Variants in SREBF2 observed in about 807,000 individuals in gnomAD.
SREBF2 encodes the protein sterol regulatory element binding transcription factor 2, also known as sterol regulatory element-binding protein 2.
In SREBF2, 55 loss-of-function variants were observed where a neutral mutation model predicts 113.1. That is an observed-to-expected ratio of 0.49 (90% CI 0.39 to 0.61). SREBF2 has a LOEUF of 0.61. Among genes scored for constraint, SREBF2 ranks in the 20% least tolerant of loss-of-function variants. The pLI, the probability that SREBF2 is intolerant of heterozygous loss-of-function variation, is 0.00. For synonymous variants in SREBF2, 593 were observed against 605.7 expected, an observed-to-expected ratio of 0.98 and a Z score of 0.31; for missense variants, 1,349 against 1,487.4, an observed-to-expected ratio of 0.91 and a Z score of 1.53.
rs561459850 is a variant in SREBF2 at position 41,885,143 on chromosome 22, A to G, written c.2208+132A>G. On this transcript the variant is annotated intron_variant, in intron 11 of 18. Transcript: ENST00000361204. ...CACCTGGAGGGGTAGGCAGGCATTCATTCAGTCGCTCATTTCACCAGGACT... is the reference window on the plus strand; with the variant it reads ...CACCTGGAGGGGTAGGCAGGCATTCGTTCAGTCGCTCATTTCACCAGGACT... The G allele has an allele frequency of 3.6e-6, 4 of 1,120,850 alleles. No individual in the cohort carries two copies. The African/African-American group carries it at 4.6e-5, about 13-fold the overall frequency. The allele number at this position is 1,120,850 out of a possible 1,614,324, so 69.4% of individuals were successfully genotyped here.
intron 4 of SREBF2, 75 bp from the exon 5 acceptor site, chr22:41,873,723 G>T: frequency 6.8e-7 from 1 of 1,478,178 alleles, no homozygotes; most frequent in Non-Finnish European, 9.2e-7. Flanking sequence ...GGCCAAAGCG[G>T]GCAGGTCTGT....
At chr22:41,882,771 A>G (rs2077260536) in intron 10 of SREBF2, among the ~76,000 whole-genome samples, 1 of 152,230 alleles carries the variant, frequency 6.6e-6, no homozygotes, top group Non-Finnish European at 1.5e-5. Flanking sequence ...GCACCACTGC[A>G]TTCCAGCCTG....
At chr22:41,878,545 TG>T in intron 9 of SREBF2, 1 of 612,388 alleles carries the variant, frequency 1.6e-6, no homozygotes. Context: ...AGGCCCAAAT[TG>T]GAGAGGGCTT....
intron 7 of SREBF2, 152 bp from the exon 8 acceptor site, chr22:41,877,077 A>T: frequency 1.3e-6 from 1 of 747,758 alleles, no homozygotes; most frequent in Non-Finnish European, 2.3e-6. Context: ...TTAGTGAATT[A>T]TAGGCTTCTC....
intron 2 of SREBF2, among the ~76,000 whole-genome samples, chr22:41,867,573 A>G (rs1176491264): frequency 6.6e-6 from 1 of 152,150 alleles, no homozygotes; most frequent in Non-Finnish European, 1.5e-5. Context: ...TTGGGAGGCC[A>G]AGGCGGGCGG....
At chr22:41,859,240 T>G (rs2077003859) in intron 1 of SREBF2, among the ~76,000 whole-genome samples, 1 of 151,984 alleles carries the variant, frequency 6.6e-6, no homozygotes, top group Non-Finnish European at 1.5e-5. Context: ...GAAAAACACC[T>G]GAGGTTTGCT....
intron 1 of SREBF2, among the ~76,000 whole-genome samples, chr22:41,858,857 G>C (rs936909291): frequency 6.6e-6 from 1 of 152,026 alleles, no homozygotes; most frequent in Non-Finnish European, 1.5e-5. Flanking sequence ...AAAAAGATAG[G>C]GACCTGCCGG....
In SREBF2 at chr22:41,875,658, C is replaced by G; in HGVS notation, c.1320C>G (p.Ser440=). The G allele has an allele frequency of 6.2e-7, 1 of 1,614,202 alleles. No individual in the cohort carries two copies. ...LMSPPASDSG[S]QAGFSPYSID... ...CCCCCCCAGCCTCTGACTCAGGGTC[C>G]CAGGCTGGCTTCTCTCCCTACTCCA... The change falls in exon 7 of 19, where the codon TCC becomes TCG. Residue 440 remains serine, a synonymous_variant. Coordinates refer to ENST00000361204, the MANE Select transcript of SREBF2 (RefSeq NM_004599.4).
chr22:41,850,464 A>G (rs2076917821), intron 1 of SREBF2, among the ~76,000 whole-genome samples: 1 of 151,870 alleles, frequency 6.6e-6, no homozygotes, highest in Admixed American at 6.6e-5. Context: ...AAAAAAAAAA[A>G]GTAATGACAT....
At chr22:41,897,188 C>A in intron 14 of SREBF2, 27 bp downstream of exon 14, 1 of 1,510,094 alleles carries the variant, frequency 6.6e-7, no homozygotes, top group South Asian at 1.1e-5. Context: ...GGCCCACAGT[C>A]TCAGGGTGCT....
chr22:41,905,416 G>C, intron 18 of SREBF2, 24 bp from the exon 19 acceptor site: 2 of 1,553,156 alleles, frequency 1.3e-6, no homozygotes, highest in Non-Finnish European at 1.7e-6. Flanking sequence ...ATTCTCGGTT[G>C]TGACACACAT....
At chr22:41,893,079 C>T (rs2077379619) in intron 11 of SREBF2, 38 bp from the exon 12 acceptor site, 1 of 1,610,066 alleles carries the variant, frequency 6.2e-7, no homozygotes, top group Non-Finnish European at 8.5e-7. Flanking sequence ...CAGCATTCTG[C>T]CACCTTGGTG....
intron 17 of SREBF2, chr22:41,904,391 CG>C: frequency 1.7e-5 from 6 of 358,156 alleles, no homozygotes; most frequent in South Asian, 1.3e-4. Flanking sequence ...CATACCTAAG[CG>C]CTGCAGACTT....
chr22:41,898,892 C>T (rs762933272), intron 15 of SREBF2, 111 bp downstream of exon 15: 387 of 1,475,062 alleles, frequency 2.6e-4, no homozygotes, highest in Middle Eastern at 6.2e-4. Context: ...GTCAGGACTG[C>T]ATGACAGGTG....
chr22:41,896,330 G>A (rs1173918103), intron 13 of SREBF2, among the ~76,000 whole-genome samples: 1 of 152,060 alleles, frequency 6.6e-6, no homozygotes, highest in African/African-American at 2.4e-5. Context: ...AGGTGCCAAA[G>A]TCACTTTTGT....
intron 3 of SREBF2, among the ~76,000 whole-genome samples, chr22:41,869,218 C>T (rs2077115808): frequency 6.6e-6 from 1 of 152,166 alleles, no homozygotes; most frequent in African/African-American, 2.4e-5. Context: ...AGTTCTGCTG[C>T]TTCAGCCTCC....
At chr22:41,894,603 G>A (rs2077395082) in intron 12 of SREBF2, among the ~76,000 whole-genome samples, 1 of 151,996 alleles carries the variant, frequency 6.6e-6, no homozygotes, top group Non-Finnish European at 1.5e-5. Context: ...CCTCCCCACC[G>A]GAGCTCATCC....
At chr22:41,878,498 T>C (rs1364099447) in intron 9 of SREBF2, among the ~76,000 whole-genome samples, 1 of 152,102 alleles carries the variant, frequency 6.6e-6, no homozygotes, top group African/African-American at 2.4e-5. Flanking sequence ...GTAGGTTATG[T>C]CAGAGAGAGT....
At chr22:41,896,983 C>A in intron 13 of SREBF2, 69 bp from the exon 14 acceptor site, 3 of 1,112,220 alleles carry the variant, frequency 2.7e-6, no homozygotes, top group Non-Finnish European at 2.7e-6. Flanking sequence ...GAGAGCTGAA[C>A]AGCTAGGCCA....
Sources: allele counts gnomAD v4.1 joint callset (sites outside exome capture counted in the v4.1 genomes callset), GRCh38; gene constraint gnomAD v4.1.1; transcripts MANE v1.5; gene names NCBI Gene and HGNC (gene_info 2026-07-23, HGNC 2026-07-21).